OTOG: variants seen among roughly 807,000 people sequenced by gnomAD.
OTOG encodes the protein otogelin.
In OTOG, 296 loss-of-function variants were observed where a neutral mutation model predicts 313.8. That is an observed-to-expected ratio of 0.94 (90% CI 0.86 to 1.04). The LOEUF is 1.04. OTOG is among the 50% of genes least tolerant of loss of function. OTOG has a pLI of 0.00. For missense variants in OTOG, 3,948 were observed against 3,840.1 expected (o/e 1.03, Z -0.74); for synonymous variants, 1,533 against 1,554.9 (o/e 0.99, Z 0.33).
At chr11:17,616,264 C>T (rs2134103962) in intron 39 of OTOG, among the ~76,000 whole-genome samples, 1 of 152,194 alleles carries the variant, frequency 6.6e-6, no homozygotes, top group African/African-American at 2.4e-5. Context: ...ACTATGTTGC[C>T]CAGGCTGGTC....
At chr11:17,640,691 T>G in intron 49 of OTOG, 54 bp from the exon 50 acceptor site, 3 of 1,525,740 alleles carry the variant, frequency 2.0e-6, no homozygotes, top group East Asian at 4.9e-5. Flanking sequence ...AGACTGCTCC[T>G]GAGGGCCAGG....
chr11:17,577,227 C>A (rs898638397), intron 22 of OTOG, among the ~76,000 whole-genome samples: 2 of 152,214 alleles, frequency 1.3e-5, no homozygotes, highest in East Asian at 1.9e-4. Context: ...CCTTTGGGTC[C>A]TGATGTTTTC....
chr11:17,636,587 C>T (rs374260970), intron 47 of OTOG, among the ~76,000 whole-genome samples: 4 of 152,112 alleles, frequency 2.6e-5, no homozygotes, highest in African/African-American at 7.2e-5. Context: ...ATGACCTGGC[C>T]GCACCTGACC....
chr11:17,569,126 A>G (rs759812932), intron 15 of OTOG, 30 bp from the exon 16 acceptor site: 2 of 1,550,202 alleles, frequency 1.3e-6, no homozygotes, highest in South Asian at 1.2e-5. Flanking sequence ...TCAGACCAAC[A>G]CTGCCCCATT....
intron 39 of OTOG, among the ~76,000 whole-genome samples, chr11:17,617,725 C>T (rs1346081550): frequency 6.6e-6 from 1 of 152,146 alleles, no homozygotes; most frequent in Non-Finnish European, 1.5e-5. Context: ...AGAGGCTTAT[C>T]AAACTTACTG....
intron 33 of OTOG, among the ~76,000 whole-genome samples, chr11:17,607,678 C>T (rs1325845507): frequency 1.3e-5 from 2 of 152,178 alleles, no homozygotes; most frequent in African/African-American, 2.4e-5. Flanking sequence ...ACTCTCAGGC[C>T]CTTCAGGGGC....
chr11:17,632,135 C>T lies in OTOG; in HGVS notation c.6981C>T (p.Tyr2327=), dbSNP rs781350464. ...FCELWIRDTK[Y]VQQPCVALTV... ...AGCTGTGGATCCGGGACACCAAGTA[C>T]GTGCAGCAGCCCTGCGTGGCCCTGA... The change falls in exon 42 of 56, where the codon TAC becomes TAT. Residue 2327 remains tyrosine (Y), a synonymous_variant. Coordinates refer to ENST00000399397, the MANE Select transcript of OTOG (RefSeq NM_001292063.2). 2.8e-5 allele frequency: 44 copies of T among 1,550,944 alleles called. No individual in the cohort carries two copies. In the African/African-American group the frequency reaches 3.4e-4, roughly 12 times the overall value.
At chr11:17,552,615 T>TGTGTCTCCCACCTGTCCTGTGTCC (rs1454853324) in intron 4 of OTOG, among the ~76,000 whole-genome samples, 16 of 150,994 alleles carry the variant, frequency 1.1e-4, no homozygotes, top group African/African-American at 2.2e-4. Flanking sequence ...CCACCTGTCC[T>TGTGTCTCCCACCTGTCCTGTGTCC]CTCACATCAT....
At chr11:17,554,637 G>T (rs1354332669) in intron 6 of OTOG, among the ~76,000 whole-genome samples, 3 of 152,222 alleles carry the variant, frequency 2.0e-5, no homozygotes, top group African/African-American at 7.2e-5. Flanking sequence ...TGATCCTTCT[G>T]TCTCAGTCAT....
chr11:17,582,953 T>C (rs1379219535), intron 23 of OTOG, among the ~76,000 whole-genome samples: 3 of 152,090 alleles, frequency 2.0e-5, no homozygotes, highest in Non-Finnish European at 2.9e-5. Context: ...AAACTTCTGA[T>C]GAGAAGTTTT....
intron 15 of OTOG, among the ~76,000 whole-genome samples, chr11:17,563,685 C>G (rs1337330562): frequency 6.9e-6 from 1 of 145,308 alleles, no homozygotes; most frequent in Non-Finnish European, 1.5e-5. Context: ...TCAGAATCCC[C>G]CCCTTTTTTT....
At position 17,569,238 on chromosome 11, in the gene OTOG, G is replaced by C. The variant is rs1206585699; in HGVS notation, c.1727G>C (p.Gly576Ala). Residue 576 changes from glycine to alanine, a missense_variant, in exon 16 of 56, where the codon GGG becomes GCG. By Grantham distance (60) the Gly-to-Ala change is moderately conservative. Coordinates refer to ENST00000399397, the MANE Select transcript of OTOG (RefSeq NM_001292063.2). ...AGGCAGGTGACCCTGACCCAGGCAG[G>C]GGATGTCCTTCTGTTTGACCAGTAC... The part of the protein sequence containing the change: ...PRRQVTLTQA[G>A]DVLLFDQYKI... 1.9e-6 allele frequency: 3 copies of C among 1,550,576 alleles called. No homozygotes were observed. The highest frequency in any genetic ancestry group is 3.9e-5 in the Admixed American group (2 of 51,004).
chr11:17,599,651 T>G lies in OTOG; in HGVS notation c.3683-20T>G. 1 of 1,550,596 alleles carries G rather than the reference T, an allele frequency of 6.4e-7. No homozygotes were observed. Among genetic ancestry groups the G allele is most frequent in the Non-Finnish European group, 8.7e-7 (1 of 1,146,968 alleles). On this transcript the variant is annotated intron_variant, in intron 30 of 55. Transcript: ENST00000399397. ...GGCTCTGGGCTGGCTCTCAGGAAGTTCCTGTTCTCTCTCTTTCAGCGTATG... is the reference window on the plus strand; with the variant it reads ...GGCTCTGGGCTGGCTCTCAGGAAGTGCCTGTTCTCTCTCTTTCAGCGTATG...
chr11:17,559,443 T>A, intron 11 of OTOG, 91 bp from the exon 12 acceptor site: 3 of 1,498,530 alleles, frequency 2.0e-6, no homozygotes, highest in Non-Finnish European at 2.7e-6. Context: ...AAGCCCTCCC[T>A]CCCATCCTCA....
In OTOG at chr11:17,602,385, C is replaced by T. The variant is rs1349187601; in HGVS notation, c.3877+8C>T. Reference sequence around the variant, plus strand: ...ACAAGGCCAAGGCCCATGGTAAGGCCCATCCCAGTCCCACTCCAGCTCTTC... The same window carrying T: ...ACAAGGCCAAGGCCCATGGTAAGGCTCATCCCAGTCCCACTCCAGCTCTTC... On this transcript the variant is annotated splice_region_variant and intron_variant, in intron 32 of 55. Coordinates refer to ENST00000399397, the MANE Select transcript of OTOG (RefSeq NM_001292063.2). 1 of 1,546,518 alleles carries T rather than the reference C, an allele frequency of 6.5e-7. No individual in the cohort carries two copies. The highest frequency in any genetic ancestry group is 8.7e-7 in the Non-Finnish European group (1 of 1,144,206).
intron 20 of OTOG, 22 bp from the exon 21 acceptor site, chr11:17,576,534 C>A: frequency 6.5e-7 from 1 of 1,544,484 alleles, no homozygotes; most frequent in Non-Finnish European, 8.8e-7. Context: ...GCTCACCTTT[C>A]TTTGCTCCCA....
rs757188953 is a variant in OTOG at position 17,558,316 on chromosome 11, G to A, written c.996+1G>A. The A allele has an allele frequency of 6.4e-7, 1 of 1,550,582 alleles. No homozygotes were observed. Among genetic ancestry groups the A allele is most frequent in the Non-Finnish European group, 8.7e-7 (1 of 1,146,952 alleles). ...ACAGCAGAACCCAGGAACCATGCAG[G>A]TCTGGAGCTTGGGGAGAAACTCCCC... On this transcript the variant is annotated splice_donor_variant, in intron 9 of 55. Coordinates refer to ENST00000399397, the MANE Select transcript of OTOG (RefSeq NM_001292063.2). LOFTEE classifies it high-confidence loss of function.
chr11:17,602,292 A>G lies in OTOG; in HGVS notation c.3792A>G (p.Ile1264Met). Residue 1264 changes from isoleucine (I) to methionine (M), a missense_variant, in exon 32 of 56, where the codon ATA becomes ATG. Ile to Met is a conservative substitution (Grantham distance 10). Transcript: ENST00000399397. ...GCATGAAGGCGGTGGGCGATGACAT[A>G]GTCCTAGTGAGGACAGAGGATGTGG... ...LVGMKAVGDDIVLVRTEDVAP... is the reference protein window; with the variant it reads ...LVGMKAVGDDMVLVRTEDVAP... 1 of 1,550,642 alleles carries G rather than the reference A, an allele frequency of 6.4e-7. No homozygotes were observed. The highest frequency in any genetic ancestry group is 8.7e-7 in the Non-Finnish European group (1 of 1,146,966).
intron 18 of OTOG, 130 bp downstream of exon 18, chr11:17,572,334 G>C (rs905796280): frequency 2.2e-5 from 28 of 1,293,690 alleles, no homozygotes; most frequent in South Asian, 3.0e-5. Context: ...AGAAGGAGGA[G>C]CAGCAGGGAG....
Sources: allele counts gnomAD v4.1 joint callset (sites outside exome capture counted in the v4.1 genomes callset), GRCh38; gene constraint gnomAD v4.1.1; transcripts MANE v1.5; gene names NCBI Gene and HGNC (gene_info 2026-07-23, HGNC 2026-07-21).